CSMD1: variants seen among roughly 807,000 people sequenced by gnomAD.
CSMD1 encodes the protein CUB and Sushi multiple domains 1, also known as CUB and sushi domain-containing protein 1.
Under a neutral mutation model 417.5 loss-of-function variants are expected in CSMD1, and 213 were observed. That is an observed-to-expected ratio of 0.51 (90% CI 0.46 to 0.57). The LOEUF (loss-of-function observed/expected upper bound fraction) is 0.57, where lower values mean the gene tolerates loss of function less well. Among genes scored for constraint, CSMD1 ranks in the 20% least tolerant of loss-of-function variants. The pLI is 0.00. For synonymous variants in CSMD1, 2,862 were observed against 1,736.8 expected (o/e 1.65, Z -16.11); for missense variants, 6,923 against 4,529.7 (o/e 1.53, Z -15.17).
At chr8:3,781,437 G>C (rs533125500) in intron 5 of CSMD1, among the ~76,000 whole-genome samples, 48 of 152,248 alleles carry the variant, frequency 3.2e-4, no homozygotes, top group African/African-American at 1.1e-3. Flanking sequence ...CAGTCTGGGG[G>C]GTTTCCTCTC....
chr8:3,929,169 C>T (rs537134189), intron 5 of CSMD1, among the ~76,000 whole-genome samples: 2 of 150,326 alleles, frequency 1.3e-5, no homozygotes, highest in South Asian at 4.3e-4. Context: ...ATACACTTAA[C>T]AAGAGTGCAA....
At chr8:4,919,565 A>G (rs186837930) in intron 1 of CSMD1, among the ~76,000 whole-genome samples, 115 of 152,344 alleles carry the variant, frequency 7.5e-4, no homozygotes, top group Non-Finnish European at 1.2e-4. Context: ...GACATAAAAT[A>G]AAATGATTCA....
intron 2 of CSMD1, among the ~76,000 whole-genome samples, chr8:4,463,685 G>T (rs984651580): frequency 1.3e-5 from 2 of 152,150 alleles, no homozygotes; most frequent in African/African-American, 4.8e-5. Context: ...TACATTAAAT[G>T]TCCAGAATAG....
chr8:3,946,811 CAT>C (rs772962123), intron 5 of CSMD1, among the ~76,000 whole-genome samples: 2 of 152,036 alleles, frequency 1.3e-5, no homozygotes, highest in African/African-American at 2.4e-5. Flanking sequence ...CTAAATCTGT[CAT>C]ATTTTAATTC....
chr8:4,688,739 G>A (rs894915696), intron 1 of CSMD1, among the ~76,000 whole-genome samples: 1 of 152,122 alleles, frequency 6.6e-6, no homozygotes, highest in East Asian at 1.9e-4. Flanking sequence ...ACCTCATGCA[G>A]TGAGTCAATT....
At chr8:4,956,426 T>G (rs941629795) in intron 1 of CSMD1, among the ~76,000 whole-genome samples, 2 of 149,316 alleles carry the variant, frequency 1.3e-5, no homozygotes, top group Non-Finnish European at 3.0e-5. Context: ...AAAATTCATA[T>G]GTGCATATAT....
intron 8 of CSMD1, among the ~76,000 whole-genome samples, chr8:3,592,217 G>GGATA (rs1461396970): frequency 1.9e-4 from 29 of 151,760 alleles, no homozygotes; most frequent in Admixed American, 1.4e-3. Flanking sequence ...ATAAACAAGT[G>GGATA]GATAGATAGA....
At chr8:3,881,264 C>CT (rs5888997) in intron 5 of CSMD1, among the ~76,000 whole-genome samples, 136,741 of 146,600 alleles carry the variant, frequency 0.93, 63,813 homozygotes, top group Middle Eastern at 0.98. Flanking sequence ...TTGTTTTTTG[C>CT]TTTTTTTTTT....
chr8:3,882,700 G>A (rs980573059), intron 5 of CSMD1, among the ~76,000 whole-genome samples: 2 of 152,164 alleles, frequency 1.3e-5, no homozygotes, highest in African/African-American at 2.4e-5. Flanking sequence ...GCAATGAAAA[G>A]GAACACATTA....
chr8:3,833,510 T>C (rs1468900460), intron 5 of CSMD1, among the ~76,000 whole-genome samples: 1 of 152,130 alleles, frequency 6.6e-6, no homozygotes, highest in Non-Finnish European at 1.5e-5. Flanking sequence ...TCCTCATTCA[T>C]ATTCAGAATT....
intron 3 of CSMD1, among the ~76,000 whole-genome samples, chr8:4,398,031 C>A (rs1483475813): frequency 6.6e-6 from 1 of 152,180 alleles, no homozygotes; most frequent in Non-Finnish European, 1.5e-5. Flanking sequence ...GTATCAATTT[C>A]TAACTTGGTA....
intron 1 of CSMD1, among the ~76,000 whole-genome samples, chr8:4,795,298 G>A (rs763962508): frequency 1.5e-5 from 1 of 67,408 alleles, no homozygotes; most frequent in Non-Finnish European, 2.9e-5. Flanking sequence ...TTGAGATGGA[G>A]TCCTGCTCTG....
At chr8:4,605,519 G>C (rs17070769) in intron 2 of CSMD1, among the ~76,000 whole-genome samples, 27,417 of 152,154 alleles carry the variant, frequency 0.18, 2,604 homozygotes, top group Non-Finnish European at 0.2. Flanking sequence ...CCAGGAAACA[G>C]AGTTAACAGA....
rs1302394891 is a variant in CSMD1 at position 2,974,594 on chromosome 8, G to T, written c.8597C>A (p.Ala2866Asp). Residue 2866 changes from alanine to aspartate, a missense_variant, in exon 56 of 70, where the codon GCC becomes GAC. Transcript: ENST00000635120. ...CAGCTCTCCAGTGAGGACGGCGTTG[G>T]CAGGGACCCCTGGGTGTCCACACGA... is the stretch of plus-strand genomic sequence containing the variant. Reference protein sequence around the residue: ...AISCGHPGVPANAVLTGELFT... With the variant: ...AISCGHPGVPDNAVLTGELFT... 3.7e-6 allele frequency: 6 copies of T among 1,610,372 alleles called. No individual in the cohort carries two copies. Among genetic ancestry groups the T allele is most frequent in the Non-Finnish European group, 5.1e-6 (6 of 1,178,232 alleles).
chr8:4,366,267 G>T (rs1370726), intron 3 of CSMD1, among the ~76,000 whole-genome samples: 6 of 151,154 alleles, frequency 4.0e-5, no homozygotes, highest in Non-Finnish European at 4.4e-5. Context: ...TTTTTTTTCT[G>T]TTTTATGGCT....
At chr8:3,129,024 C>G in intron 41 of CSMD1, 1 of 338,818 alleles carries the variant, frequency 3.0e-6, no homozygotes, top group Non-Finnish European at 5.8e-6. Context: ...CTTAGCCAAC[C>G]AGATGCTTGA....
intron 3 of CSMD1, among the ~76,000 whole-genome samples, chr8:4,113,701 G>A (rs367719279): frequency 6.6e-6 from 1 of 152,172 alleles, no homozygotes; most frequent in African/African-American, 2.4e-5. Flanking sequence ...ACCGCGCCCA[G>A]CCAGTGCTAC....
chr8:4,332,145 A>G (rs920201896), intron 3 of CSMD1, among the ~76,000 whole-genome samples: 37 of 152,166 alleles, frequency 2.4e-4, no homozygotes, highest in African/African-American at 8.7e-4. Context: ...GAAAATGTCA[A>G]GTTGCTTAGG....
intron 1 of CSMD1, among the ~76,000 whole-genome samples, chr8:4,667,090 T>C (rs1405207664): frequency 6.6e-6 from 1 of 152,186 alleles, no homozygotes; most frequent in Non-Finnish European, 1.5e-5. Context: ...TATTACAGAA[T>C]CCTTTGGTGA....
Sources: gnomAD v4.1 joint callset for allele counts (sites outside exome capture counted in the v4.1 genomes callset) on GRCh38, gnomAD v4.1.1 for gene constraint, MANE v1.5 for transcripts, NCBI Gene and HGNC (gene_info 2026-07-23, HGNC 2026-07-21) for gene names.